The following ANKRD11 variants were observed in gnomAD, a reference collection of about 807,000 sequenced individuals.
ANKRD11 encodes the protein ankyrin repeat domain 11, also known as ankyrin repeat domain-containing protein 11.
Under a neutral mutation model 195.7 loss-of-function variants are expected in ANKRD11, and 17 were observed. The ratio of observed to expected loss-of-function variants is 0.09; its 90% CI spans 0.06 to 0.13. ANKRD11 has a LOEUF of 0.13. ANKRD11 is among the 10% of genes least tolerant of loss of function. The probability of loss-of-function intolerance (pLI) is 1.00; values close to 1 mark genes in which losing one functional copy is unlikely to be tolerated. For synonymous variants in ANKRD11, 1,953 were observed against 1,528.1 expected (o/e 1.28, Z -6.49); for missense variants, 3,735 against 3,566.1 (o/e 1.05, Z -1.21).
intron 9 of ANKRD11, among the ~76,000 whole-genome samples, chr16:89,275,811 G>T (rs770072954): frequency 2.6e-4 from 39 of 152,202 alleles, no homozygotes; most frequent in Admixed American, 1.1e-3. Flanking sequence ...CTACATGCAT[G>T]CTGGAAGTGA....
At chr16:89,459,616 T>C (rs1215676045) in intron 1 of ANKRD11, among the ~76,000 whole-genome samples, 1 of 152,208 alleles carries the variant, frequency 6.6e-6, no homozygotes, top group Non-Finnish European at 1.5e-5. Flanking sequence ...TGATTCCTAG[T>C]ACTGTTTCAG....
chr16:89,304,999 G>A lies in ANKRD11; in HGVS notation c.226+207C>T, dbSNP rs3114913. The A allele has an allele frequency of 0.67, 467,081 of 701,166 alleles. 160,218 individuals carry two copies. Among genetic ancestry groups the A allele is most frequent in the Middle Eastern group, 0.76 (1,863 of 2,458 alleles). 43.4% of individuals were successfully genotyped at this position (701,166 alleles called of 1,614,324 possible). ...GACCCAAGAGTGAAGCTCTCCAATC[G>A]GCCCCATGGGCCTGAGCCTCGGGTG... On this transcript the variant is annotated intron_variant, in intron 4 of 12. Transcript: ENST00000301030.
At chr16:89,442,375 T>G (rs1048699840) in intron 1 of ANKRD11, among the ~76,000 whole-genome samples, 2 of 152,222 alleles carry the variant, frequency 1.3e-5, no homozygotes, top group South Asian at 2.1e-4. Context: ...GAAAATGCTT[T>G]TGAATCTGTC....
chr16:89,407,650 G>A (rs1370213080), intron 2 of ANKRD11, among the ~76,000 whole-genome samples: 5 of 151,872 alleles, frequency 3.3e-5, no homozygotes, highest in African/African-American at 1.2e-4. Context: ...GCGAGACGCC[G>A]TCTCTATCAA....
chr16:89,465,557 G>A (rs2056853104), intron 1 of ANKRD11, among the ~76,000 whole-genome samples: 1 of 152,120 alleles, frequency 6.6e-6, no homozygotes, highest in Admixed American at 6.5e-5. Context: ...CAGCAGGTGG[G>A]AACACTTGCT....
At chr16:89,425,047 G>T (rs2042662648) in intron 1 of ANKRD11, among the ~76,000 whole-genome samples, 1 of 149,776 alleles carries the variant, frequency 6.7e-6, no homozygotes, top group African/African-American at 2.5e-5. Context: ...GGCTCTCAAG[G>T]ATTTCTTACA....
At chr16:89,381,922 T>A (rs2040675475) in intron 2 of ANKRD11, among the ~76,000 whole-genome samples, 1 of 152,226 alleles carries the variant, frequency 6.6e-6, no homozygotes, top group Non-Finnish European at 1.5e-5. Context: ...ACTCTCAGGC[T>A]GTGACCTCTC....
At chr16:89,437,203 C>T (rs2043251543) in intron 1 of ANKRD11, among the ~76,000 whole-genome samples, 1 of 152,204 alleles carries the variant, frequency 6.6e-6, no homozygotes, top group African/African-American at 2.4e-5. Flanking sequence ...GGAGAAGGAA[C>T]GTCCACTTAT....
At chr16:89,274,983 G>C in intron 10 of ANKRD11, 26 bp from the exon 11 acceptor site, 1 of 1,612,808 alleles carries the variant, frequency 6.2e-7, no homozygotes, top group Admixed American at 1.7e-5. Flanking sequence ...AGTAGAGTGA[G>C]CTGGGACACA....
At chr16:89,401,947 C>T (rs1328723093) in intron 2 of ANKRD11, among the ~76,000 whole-genome samples, 1 of 151,214 alleles carries the variant, frequency 6.6e-6, no homozygotes, top group Non-Finnish European at 1.5e-5. Flanking sequence ...TGCCCGCCCC[C>T]ACCCCTCCAG....
At chr16:89,313,307 C>T (rs1432937803) in intron 3 of ANKRD11, 2 of 1,286,746 alleles carry the variant, frequency 1.6e-6, no homozygotes, top group African/African-American at 1.5e-5. Context: ...TTCTCTGTAG[C>T]CCTGCACACC....
intron 4 of ANKRD11, chr16:89,301,003 C>T (rs1245375731): frequency 1.4e-5 from 9 of 629,600 alleles, no homozygotes; most frequent in Admixed American, 7.8e-5. Flanking sequence ...CAGACGAAGG[C>T]GCAGGAGAAA....
chr16:89,282,073 T>C lies in ANKRD11; in HGVS notation c.4469A>G (p.Asp1490Gly). The change falls in exon 9 of 13, where the codon GAC (aspartate) becomes GGC (glycine). Residue 1490 changes from aspartate to glycine, a missense_variant. Coordinates refer to ENST00000301030, the MANE Select transcript of ANKRD11 (RefSeq NM_013275.6). The part of the protein sequence containing the change: ...HADGLLRHHR[D>G]ELLRHHRDEQ... The stretch of plus-strand genomic sequence containing the variant: ...GTCCCTGTGATGCCGCAGGAGCTCG[T>C]CCCTGTGATGCCGCAGCAGCCCATC... The C allele has an allele frequency of 6.2e-7, 1 of 1,613,850 alleles. No individual in the cohort carries two copies. Among genetic ancestry groups the C allele is most frequent in the Non-Finnish European group, 8.5e-7 (1 of 1,179,990 alleles).
chr16:89,299,129 C>T (rs1035289390), intron 4 of ANKRD11: 6 of 153,866 alleles, frequency 3.9e-5, no homozygotes, highest in Admixed American at 1.3e-4. Context: ...CAGAGACTCA[C>T]GAGGTGGCAG....
At chr16:89,295,963 AG>A (rs2035399908) in intron 4 of ANKRD11, among the ~76,000 whole-genome samples, 1 of 102,448 alleles carries the variant, frequency 9.8e-6, no homozygotes, top group South Asian at 3.8e-4. Flanking sequence ...CTCTGCAGGG[AG>A]TGTCTTCTCT....
intron 1 of ANKRD11, among the ~76,000 whole-genome samples, chr16:89,478,304 G>A (rs955500288): frequency 3.9e-5 from 6 of 151,926 alleles, no homozygotes; most frequent in Non-Finnish European, 8.8e-5. Flanking sequence ...TATCACCCTA[G>A]TGAGAAAGAA....
intron 2 of ANKRD11, among the ~76,000 whole-genome samples, chr16:89,330,696 G>T: frequency 8.7e-6 from 1 of 115,034 alleles, no homozygotes; most frequent in African/African-American, 3.4e-5. Context: ...GGAAGCTGCA[G>T]CATCTCTTGT....
At chr16:89,342,175 C>T (rs2038721951) in intron 2 of ANKRD11, among the ~76,000 whole-genome samples, 1 of 152,242 alleles carries the variant, frequency 6.6e-6, no homozygotes, top group Non-Finnish European at 1.5e-5. Flanking sequence ...GGCCTCAAAG[C>T]ACAACACAGG....
chr16:89,307,535 G>A (rs1597567840), intron 3 of ANKRD11, among the ~76,000 whole-genome samples: 1 of 152,276 alleles, frequency 6.6e-6, no homozygotes, highest in South Asian at 2.1e-4. Flanking sequence ...ACGGGTCTCT[G>A]GGGAGACGGG....
Sources: allele counts gnomAD v4.1 joint callset (sites outside exome capture counted in the v4.1 genomes callset), GRCh38; gene constraint gnomAD v4.1.1; transcripts MANE v1.5; gene names NCBI Gene and HGNC (gene_info 2026-07-23, HGNC 2026-07-21).